The following DUSP15 variants were observed in gnomAD, a reference collection of about 807,000 sequenced individuals.
DUSP15 encodes dual specificity phosphatase 15.
DUSP15 carries 23 observed loss-of-function variants against 26.3 expected under a neutral mutation model. The ratio of observed to expected loss-of-function variants is 0.87; its 90% CI spans 0.63 to 1.24. The LOEUF (loss-of-function observed/expected upper bound fraction) is 1.24. DUSP15 is among the 50% of genes most tolerant of loss of function. The pLI is 0.00. For synonymous variants in DUSP15, 143 were observed against 135.5 expected, an observed-to-expected ratio of 1.06 and a Z score of -0.39; for missense variants, 364 against 320.6, an observed-to-expected ratio of 1.14 and a Z score of -1.03.
intron 8 of DUSP15, chr20:31,849,047 C>G (rs1293902994): frequency 7.6e-6 from 5 of 657,844 alleles, no homozygotes; most frequent in Non-Finnish European, 1.3e-5. Context: ...TACCCTAGGC[C>G]CACTTCCACG....
chr20:31,848,363 G>T, exon 10 of DUSP15: 5 of 1,597,186 alleles, frequency 3.1e-6, no homozygotes, highest in Non-Finnish European at 4.3e-6. Flanking sequence ...GTGTGGGCAG[G>T]GTTGGGTGGG....
At chr20:31,852,981 T>C (rs746060726) in intron 6 of DUSP15, among the ~76,000 whole-genome samples, 2 of 152,008 alleles carry the variant, frequency 1.3e-5, no homozygotes, top group Admixed American at 6.6e-5. Flanking sequence ...GCCTGGAGGA[T>C]TGGGGATGGG....
At chr20:31,848,509 C>T (rs1169775951) in exon 10 of DUSP15, 5 of 1,609,356 alleles carry the variant, frequency 3.1e-6, no homozygotes, top group Non-Finnish European at 4.2e-6. Context: ...CATCTGGGCG[C>T]TCGGTTGAGG....
At position 31,849,609 on chromosome 20, in the gene DUSP15, G is replaced by C. The variant is rs996240180; in HGVS notation, c.628+129C>G. On this transcript the variant is annotated intron_variant, in intron 8 of 9. Transcript: ENST00000278979. ...CGCTCCACCTTGTTGGGCTGCGCCAGTACAGGCCCTGGCACAGGCGCTTGG... is the reference window on the plus strand; with the variant it reads ...CGCTCCACCTTGTTGGGCTGCGCCACTACAGGCCCTGGCACAGGCGCTTGG... The C allele has an allele frequency of 6.8e-6, 10 of 1,473,194 alleles. No homozygotes were observed. The African/African-American group carries it at 9.8e-5, about 15-fold the overall frequency. The allele number at this position is 1,473,194 out of a possible 1,614,324, so 91.3% of individuals were successfully genotyped here. A position where few individuals can be genotyped will look rare whatever the true frequency, so the allele number is the denominator to read the frequency against.
intron 1 of DUSP15, chr20:31,869,954 C>G: frequency 7.4e-7 from 1 of 1,352,220 alleles, no homozygotes; most frequent in Non-Finnish European, 9.5e-7. Context: ...CAATGACAGG[C>G]AGAGGCGGGA....
At chr20:31,867,000 T>G in intron 3 of DUSP15, 71 bp downstream of exon 3, 2 of 1,385,062 alleles carry the variant, frequency 1.4e-6, no homozygotes, top group Non-Finnish European at 2.0e-6. Flanking sequence ...ACCTAGCACA[T>G]AGTAGATATT....
At chr20:31,848,318 G>C (rs1316277062) in exon 10 of DUSP15, 1 of 1,422,616 alleles carries the variant, frequency 7.0e-7, no homozygotes, top group African/African-American at 1.5e-5. Context: ...AGACCTGGGT[G>C]ATGTGCCGGG....
Position 31,867,120 on chromosome 20 carries a change from T to C in DUSP15, c.89A>G (p.Lys30Arg). 1.9e-6 allele frequency: 3 copies of C among 1,592,340 alleles called. No individual in the cohort carries two copies. The highest frequency in any genetic ancestry group is 2.6e-6 in the Non-Finnish European group (3 of 1,168,842). ...AKDLDQLGRN[K>R]ITHIISIHES... ...ATGGATAGAGATGATGTGTGTGATC[T>C]TATTTCGGCCCAGCTGATCCAGGTC... Residue 30 changes from lysine (K) to arginine (R), a missense_variant, in exon 3 of 7, where the codon AAG becomes AGG. Lys to Arg is a conservative substitution (Grantham distance 26). Transcript: ENST00000339738.
chr20:31,861,366 C>A lies in DUSP15; in HGVS notation c.*37G>T, dbSNP rs1167470558. The A allele has an allele frequency of 6.7e-7, 1 of 1,492,396 alleles. No homozygotes were observed. Among genetic ancestry groups the A allele is most frequent in the Non-Finnish European group, 8.9e-7 (1 of 1,129,344 alleles). The allele number at this position is 1,492,396 out of a possible 1,614,324, so 92.4% of individuals were successfully genotyped here. A position where few individuals can be genotyped will look rare whatever the true frequency, so the allele number is the denominator to read the frequency against. ...AGGCGCAGACAGCCCCCGAAGGGAG[C>A]CAGTCGGAAGTGGGGAGCCACGGCT... is the stretch of plus-strand genomic sequence containing the variant. On this transcript the variant is annotated 3_prime_UTR_variant, in exon 7 of 7. Coordinates refer to ENST00000339738, the MANE Select transcript of DUSP15 (RefSeq NM_080611.5).
chr20:31,866,710 G>T (rs551776338), intron 3 of DUSP15, among the ~76,000 whole-genome samples: 1 of 152,360 alleles, frequency 6.6e-6, no homozygotes, highest in South Asian at 2.1e-4. Flanking sequence ...CACAGCCCAA[G>T]GTTGCATAGC....
intron 4 of DUSP15, chr20:31,864,197 A>C: frequency 7.4e-7 from 1 of 1,355,302 alleles, no homozygotes; most frequent in Non-Finnish European, 9.5e-7. Flanking sequence ...GAGAGAGACC[A>C]GTCAGGACAA....
Position 31,861,567 on chromosome 20 carries a change from A to G in DUSP15, c.544T>C (p.Ser182Pro), listed in dbSNP as rs1302463092. ...GAGTGCGGCCCGGCGGAGGAGGCCGAGGTCGCGGAGCCCTGCCGGCAGCGC... is the reference window on the plus strand; with the variant it reads ...GAGTGCGGCCCGGCGGAGGAGGCCGGGGTCGCGGAGCCCTGCCGGCAGCGC... ...CKRCRQGSAT[S>P]ASSAGPHSAA... Residue 182 changes from serine to proline, a missense_variant, in exon 7 of 7, where the codon TCG becomes CCG. Ser to Pro is a moderately conservative substitution (Grantham distance 74, BLOSUM62 -1). Transcript: ENST00000339738. The G allele has an allele frequency of 1.3e-6, 2 of 1,500,128 alleles. No homozygotes were observed. The highest frequency in any genetic ancestry group is 4.3e-5 in the Admixed American group (2 of 46,784). The allele number at this position is 1,500,128 out of a possible 1,614,324, so 92.9% of individuals were successfully genotyped here.
At chr20:31,855,633 C>T (rs2062548333) in intron 6 of DUSP15, among the ~76,000 whole-genome samples, 1 of 152,178 alleles carries the variant, frequency 6.6e-6, no homozygotes, top group East Asian at 1.9e-4. Context: ...AATCTCTTGC[C>T]TCTGAACAAC....
intron 3 of DUSP15, among the ~76,000 whole-genome samples, chr20:31,865,433 A>T (rs1298439593): frequency 1.3e-5 from 2 of 152,232 alleles, no homozygotes; most frequent in Non-Finnish European, 2.9e-5. Context: ...CATGGTTATA[A>T]AATGATGTGC....
intron 6 of DUSP15, among the ~76,000 whole-genome samples, chr20:31,851,892 G>GC (rs1480309043): frequency 1.3e-5 from 2 of 152,128 alleles, no homozygotes; most frequent in African/African-American, 4.8e-5. Context: ...TATTCCCTGG[G>GC]CCCCAGGAGG....
intron 4 of DUSP15, chr20:31,864,289 T>A (rs947311): frequency 0.32 from 356,194 of 1,127,334 alleles, 57,130 homozygotes; most frequent in South Asian, 0.4. Context: ...GAGAAATGGG[T>A]GGGAGGAAAC....
chr20:31,863,842 T>C (rs2123272604), intron 5 of DUSP15, 65 bp downstream of exon 5: 1 of 1,475,510 alleles, frequency 6.8e-7, no homozygotes, highest in Admixed American at 1.7e-5. Flanking sequence ...AGGGGGAGTG[T>C]GTGTTCAGCA....
At chr20:31,860,997 C>T, downstream of DUSP15, 2 of 1,017,636 alleles carry the variant, frequency 2.0e-6, no homozygotes, top group Non-Finnish European at 2.3e-6. Flanking sequence ...GCTGCTGGCC[C>T]CTGGCAGTCC....
At chr20:31,857,160 G>A (rs2062574310), downstream of DUSP15, among the ~76,000 whole-genome samples, 1 of 152,046 alleles carries the variant, frequency 6.6e-6, no homozygotes, top group African/African-American at 2.4e-5. Flanking sequence ...ACAGAAGGAG[G>A]GGCTGGAGGT....
Sources: allele counts gnomAD v4.1 joint callset (sites outside exome capture counted in the v4.1 genomes callset), GRCh38; gene constraint gnomAD v4.1.1; transcripts MANE v1.5; gene names NCBI Gene and HGNC (gene_info 2026-07-23, HGNC 2026-07-21).